The following PARD3B variants were observed in gnomAD, a reference collection of about 807,000 sequenced individuals.
PARD3B encodes the protein par-3 family cell polarity regulator beta.
Under a neutral mutation model 130.2 loss-of-function variants are expected in PARD3B, and 103 were observed. The ratio of observed to expected loss-of-function variants is 0.79; its 90% CI spans 0.67 to 0.93. The LOEUF (loss-of-function observed/expected upper bound fraction) is 0.93. Ranked by LOEUF, PARD3B falls within the 40% of genes least tolerant of loss-of-function variation. The pLI is 0.00. For synonymous variants in PARD3B, 583 were observed against 553.2 expected, an observed-to-expected ratio of 1.05 and a Z score of -0.76; for missense variants, 1,609 against 1,499.2, an observed-to-expected ratio of 1.07 and a Z score of -1.21.
chr2:205,601,903 C>G (rs1285903093), intron 22 of PARD3B, among the ~76,000 whole-genome samples: 4 of 152,068 alleles, frequency 2.6e-5, no homozygotes, highest in Non-Finnish European at 4.4e-5. Context: ...CCAGAACATC[C>G]AATACTGTGT....
rs2034378499 is a variant in PARD3B, at chr2:204,623,559, C to T, written c.121-62622C>T. On this transcript the variant is annotated intron_variant, in intron 1 of 22. Transcript: ENST00000406610. The surrounding 1 kb of genome is among the most constrained non-coding windows in gnomAD (Gnocchi z 4.5). Reference sequence around the variant, plus strand: ...GCAGTCCATGACCTTTTGAGAATGACTTTTTTTTTCTACTTGGCATAATGT... The same window carrying T: ...GCAGTCCATGACCTTTTGAGAATGATTTTTTTTTTCTACTTGGCATAATGT... Among the ~76,000 whole-genome samples, 1 of 151,460 alleles carries T rather than the reference C, an allele frequency of 6.6e-6. No homozygotes were observed. The highest frequency in any genetic ancestry group is 2.4e-5 in the African/African-American group (1 of 41,250).
intron 22 of PARD3B, among the ~76,000 whole-genome samples, chr2:205,554,688 G>C (rs2052800590): frequency 6.6e-6 from 1 of 152,038 alleles, no homozygotes; most frequent in Non-Finnish European, 1.5e-5. Flanking sequence ...AAATATCCAA[G>C]AAAACAAAGA....
chr2:204,969,713 A>G (rs553670412), intron 3 of PARD3B, among the ~76,000 whole-genome samples: 2 of 152,316 alleles, frequency 1.3e-5, no homozygotes, highest in South Asian at 2.1e-4. Context: ...TCAATTATCC[A>G]TATATTTTAG....
intron 2 of PARD3B, among the ~76,000 whole-genome samples, chr2:204,765,349 A>G (rs915969741): frequency 2.6e-5 from 4 of 152,286 alleles, no homozygotes; most frequent in Non-Finnish European, 4.4e-5. Context: ...TATGCTGTCT[A>G]AAATTGGAGA....
chr2:204,899,343 G>A (rs1050223032), intron 2 of PARD3B, among the ~76,000 whole-genome samples: 4 of 149,844 alleles, frequency 2.7e-5, no homozygotes, highest in South Asian at 2.1e-4. Context: ...TCTCTGCTGC[G>A]CTGTTTTAAT....
In PARD3B at chr2:205,230,508, A is replaced by G. The variant is rs1263164499; in HGVS notation, c.2141-15270A>G. 6.6e-6 allele frequency among the ~76,000 whole-genome samples: 1 copy of G among 152,122 alleles called. No individual in the cohort carries two copies. Among genetic ancestry groups the G allele is most frequent in the Non-Finnish European group, 1.5e-5 (1 of 68,020 alleles). On this transcript the variant is annotated intron_variant, in intron 15 of 22. Coordinates refer to ENST00000406610, the MANE Select transcript of PARD3B (RefSeq NM_001302769.2). The surrounding 1 kb of genome is among the most constrained non-coding windows in gnomAD (Gnocchi z 4.1). Reference sequence around the variant, plus strand: ...GTGGTAGAGCTAGGATTCAAGTTGCAAGATGAAGTCCTCTTAACTCTTCCC... The same window carrying G: ...GTGGTAGAGCTAGGATTCAAGTTGCGAGATGAAGTCCTCTTAACTCTTCCC...
intron 10 of PARD3B, among the ~76,000 whole-genome samples, chr2:205,136,023 G>A (rs2032453069): frequency 6.6e-6 from 1 of 152,066 alleles, no homozygotes; most frequent in African/African-American, 2.4e-5. Context: ...TGTCCCGGAT[G>A]GCAGGATATT....
At chr2:205,411,065 G>T (rs1394202829) in intron 19 of PARD3B, among the ~76,000 whole-genome samples, 1 of 152,038 alleles carries the variant, frequency 6.6e-6, no homozygotes, top group African/African-American at 2.4e-5. Context: ...ATTTGACAAT[G>T]TCTGAGAACA....
At chr2:204,711,655 C>T (rs980624395) in intron 2 of PARD3B, among the ~76,000 whole-genome samples, 6 of 151,932 alleles carry the variant, frequency 3.9e-5, no homozygotes, top group African/African-American at 7.3e-5. Context: ...AAGTGTTTCT[C>T]CTGCCTCAGC....
At chr2:204,753,077 C>CA (rs2125391891) in intron 2 of PARD3B, among the ~76,000 whole-genome samples, 2 of 152,190 alleles carry the variant, frequency 1.3e-5, no homozygotes, top group South Asian at 4.1e-4. Flanking sequence ...ATTTTAGAGC[C>CA]AAAATCTAGA....
chr2:205,203,879 T>C (rs2037131413), intron 15 of PARD3B, among the ~76,000 whole-genome samples: 1 of 152,214 alleles, frequency 6.6e-6, no homozygotes, highest in Admixed American at 6.5e-5. Flanking sequence ...TGGTTCCAAG[T>C]CTTTGCTATT....
intron 4 of PARD3B, among the ~76,000 whole-genome samples, chr2:205,077,185 T>G (rs1256011250): frequency 5.9e-5 from 9 of 151,744 alleles, no homozygotes; most frequent in Admixed American, 5.9e-4. Flanking sequence ...GAGGGAGGAG[T>G]ATTGTCATTT....
chr2:205,108,229 A>T (rs1396815198), intron 5 of PARD3B, among the ~76,000 whole-genome samples: 1 of 152,176 alleles, frequency 6.6e-6, no homozygotes, highest in Non-Finnish European at 1.5e-5. Flanking sequence ...CTCAAGTACC[A>T]GTCTCTCCCT....
In PARD3B at chr2:205,264,265, G is replaced by A. The variant is rs1455228228; in HGVS notation, c.2185+18443G>A. Among the ~76,000 whole-genome samples the A allele has an allele frequency of 2.6e-5, 4 of 151,154 alleles. No homozygotes were observed. In the East Asian group the frequency reaches 7.8e-4, roughly 29 times the overall value. On this transcript the variant is annotated intron_variant, in intron 16 of 22. Transcript: ENST00000406610. The stretch of plus-strand genomic sequence containing the variant: ...TTGAATTTGTCCACAAGATTGCACA[G>A]ATTAAATTAAGTAATAATTCTTTGA...
At chr2:205,025,544 G>T (rs1696951284) in intron 3 of PARD3B, among the ~76,000 whole-genome samples, 1 of 152,144 alleles carries the variant, frequency 6.6e-6, no homozygotes, top group Non-Finnish European at 1.5e-5. Context: ...ATTGTTGACA[G>T]AATTTGTGCC....
chr2:204,696,544 T>G (rs1489939416), intron 2 of PARD3B, among the ~76,000 whole-genome samples: 1 of 152,104 alleles, frequency 6.6e-6, no homozygotes. Context: ...AACTGATGTT[T>G]GTCACACTTT....
chr2:205,516,329 G>GGGATGGCATTGA (rs2050791408), intron 21 of PARD3B, among the ~76,000 whole-genome samples: 1 of 151,478 alleles, frequency 6.6e-6, no homozygotes, highest in Non-Finnish European at 1.5e-5. Context: ...ATTCCATATG[G>GGGATGGCATTGA]ATCTGTAAAT....
rs2054399262 is a variant in PARD3B at position 205,591,930 on chromosome 2, G to A, written c.3261-23526G>A. Among the ~76,000 whole-genome samples the A allele has an allele frequency of 1.3e-5, 2 of 152,162 alleles. No individual in the cohort carries two copies. Among genetic ancestry groups the A allele is most frequent in the Admixed American group, 1.3e-4 (2 of 15,268 alleles). ...TCAGGATGGTCCAGCAGGGAACGAA[G>A]ACACCCAGGCATGGACATTAAGATT... On this transcript the variant is annotated intron_variant, in intron 22 of 22. Transcript: ENST00000406610. The surrounding 1 kb of genome is among the most constrained non-coding windows in gnomAD (Gnocchi z 4.2).
intron 22 of PARD3B, among the ~76,000 whole-genome samples, chr2:205,611,135 G>T (rs552331764): frequency 7.9e-5 from 12 of 152,288 alleles, no homozygotes; most frequent in African/African-American, 2.6e-4. Flanking sequence ...ACCAGCTGTG[G>T]CAGAGACAGA....
Sources: allele counts gnomAD v4.1 joint callset (sites outside exome capture counted in the v4.1 genomes callset), GRCh38; gene constraint gnomAD v4.1.1; non-coding constraint Gnocchi (gnomAD v3.1); transcripts MANE v1.5; gene names NCBI Gene and HGNC (gene_info 2026-07-23, HGNC 2026-07-21).